Variants in ST7L observed in about 807,000 individuals in gnomAD.
ST7L encodes the protein suppressor of tumorigenicity 7 protein-like.
A neutral mutation model predicts 72.5 loss-of-function variants in ST7L; 57 were observed. That is an observed-to-expected ratio of 0.79 (90% CI 0.64 to 0.98). The LOEUF is 0.98. ST7L is among the 50% of genes least tolerant of loss of function. ST7L has a pLI of 0.00. For missense variants in ST7L, 576 were observed against 672.2 expected (o/e 0.86, Z 1.58); for synonymous variants, 221 against 240.9 (o/e 0.92, Z 0.77).
intron 11 of ST7L, among the ~76,000 whole-genome samples, chr1:112,573,983 C>T (rs1361772604): frequency 7.3e-6 from 1 of 137,852 alleles, no homozygotes; most frequent in Non-Finnish European, 1.5e-5. Context: ...GGTGCGATCT[C>T]GGCTCACTGC....
chr1:112,548,912 G>C (rs1657612142), intron 13 of ST7L, among the ~76,000 whole-genome samples: 1 of 152,000 alleles, frequency 6.6e-6, no homozygotes, highest in Non-Finnish European at 1.5e-5. Context: ...CTAGTTCTTT[G>C]ACTGCTCTTT....
At chr1:112,556,988 A>AAAAAAAAAAAAC (rs1659284000) in intron 11 of ST7L, among the ~76,000 whole-genome samples, 1 of 142,122 alleles carries the variant, frequency 7.0e-6, no homozygotes, top group Non-Finnish European at 1.5e-5. Context: ...AAAAAAACAA[A>AAAAAAAAAAAAC]AAAAAAAAAA....
At position 112,524,587 on chromosome 1, in the gene ST7L, C is replaced by T. The variant is rs1653127306; in HGVS notation, c.*1426G>A. On this transcript the variant is annotated 3_prime_UTR_variant, in exon 15 of 15. Transcript: ENST00000358039. Reference sequence around the variant, plus strand: ...ATTACACAGAGACCTGTAGCTCACACCTGGTTATTGATGGCCTTGGTGGAG... The same window carrying T: ...ATTACACAGAGACCTGTAGCTCACATCTGGTTATTGATGGCCTTGGTGGAG... The T allele has an allele frequency of 6.6e-6, 1 of 152,638 alleles. No homozygotes were observed. The highest frequency in any genetic ancestry group is 1.5e-5 in the Non-Finnish European group (1 of 68,062). The allele number at this position is 152,638 out of a possible 1,614,324, so 9.5% of individuals were successfully genotyped here.
intron 3 of ST7L, among the ~76,000 whole-genome samples, chr1:112,609,596 G>A (rs755011709): frequency 6.6e-6 from 1 of 151,750 alleles, no homozygotes; most frequent in Non-Finnish European, 1.5e-5. Context: ...GGCCAAGGTG[G>A]GCAGATCATG....
chr1:112,581,549 C>T (rs1448696346), intron 9 of ST7L, among the ~76,000 whole-genome samples: 2 of 152,012 alleles, frequency 1.3e-5, no homozygotes, highest in African/African-American at 4.8e-5. Context: ...CAGGTACACA[C>T]CACCAAACCC....
chr1:112,564,007 G>A lies in ST7L; in HGVS notation c.1246-7989C>T, dbSNP rs1477828334. On this transcript the variant is annotated intron_variant, in intron 11 of 14. Coordinates refer to ENST00000358039, the MANE Select transcript of ST7L (RefSeq NM_017744.5). ...GCTCTTGATCAGTCATGCACACAAAGAACCAACTTATCTCTGCAATTAGTT... is the reference window on the plus strand; with the variant it reads ...GCTCTTGATCAGTCATGCACACAAAAAACCAACTTATCTCTGCAATTAGTT... Among the ~76,000 whole-genome samples the A allele has an allele frequency of 3.3e-5, 5 of 152,102 alleles. No homozygotes were observed. The East Asian group carries it at 9.7e-4, about 29-fold the overall frequency.
chr1:112,613,944 G>A (rs957879804), intron 2 of ST7L, among the ~76,000 whole-genome samples: 3 of 152,070 alleles, frequency 2.0e-5, no homozygotes, highest in Non-Finnish European at 4.4e-5. Flanking sequence ...TGTCCAGGCT[G>A]CTCTTGAACT....
intron 11 of ST7L, among the ~76,000 whole-genome samples, chr1:112,561,868 T>C (rs116460893): frequency 0.061 from 8,803 of 145,090 alleles, 375 homozygotes; most frequent in Middle Eastern, 0.12. Context: ...CACACTGTCA[T>C]CTTTAAAAGG....
intron 11 of ST7L, among the ~76,000 whole-genome samples, chr1:112,565,518 A>G (rs1429985805): frequency 6.6e-6 from 1 of 152,050 alleles, no homozygotes; most frequent in Non-Finnish European, 1.5e-5. Context: ...TAAGACACAA[A>G]CTGTTTTCAG....
intron 3 of ST7L, among the ~76,000 whole-genome samples, chr1:112,604,251 G>A (rs754614101): frequency 1.3e-5 from 2 of 152,162 alleles, no homozygotes; most frequent in Non-Finnish European, 2.9e-5. Flanking sequence ...GGAGGTTGCA[G>A]TGAGCCGAAA....
intron 14 of ST7L, among the ~76,000 whole-genome samples, chr1:112,535,275 G>A (rs897583516): frequency 3.9e-5 from 6 of 152,054 alleles, no homozygotes; most frequent in African/African-American, 1.4e-4. Context: ...GGGAGGCTGA[G>A]GTGGGCATAT....
At chr1:112,572,393 A>G (rs1662296921) in intron 11 of ST7L, among the ~76,000 whole-genome samples, 1 of 152,210 alleles carries the variant, frequency 6.6e-6, no homozygotes, top group African/African-American at 2.4e-5. Context: ...TAGCTATGAA[A>G]GTCTTAGTTG....
Position 112,550,383 on chromosome 1 carries a change from T to G in ST7L, c.1489+218A>C, listed in dbSNP as rs150498851. 1.8e-3 allele frequency among the ~76,000 whole-genome samples: 275 copies of G among 152,310 alleles called. 2 individuals carry two copies. Among genetic ancestry groups the G allele is most frequent in the African/African-American group, 6.3e-3 (264 of 41,576 alleles). On this transcript the variant is annotated intron_variant, in intron 13 of 14. Coordinates refer to ENST00000358039, the MANE Select transcript of ST7L (RefSeq NM_017744.5). ...TAAGATGACAGTTCTTGTTAATATC[T>G]TTAATCTTGGTGTCCTTTGTTGCAT...
chr1:112,584,386 A>G (rs865880790), intron 6 of ST7L, among the ~76,000 whole-genome samples: 2 of 150,450 alleles, frequency 1.3e-5, no homozygotes, highest in Non-Finnish European at 3.0e-5. Flanking sequence ...TTAAACTTCT[A>G]TCTCATTCTC....
chr1:112,539,573 T>C (rs1378247604), intron 14 of ST7L: 1 of 491,922 alleles, frequency 2.0e-6, no homozygotes, highest in East Asian at 1.5e-4. Flanking sequence ...GGAAAACTGC[T>C]TGAACCTAGA....
At chr1:112,609,324 G>C (rs1343826512) in intron 3 of ST7L, among the ~76,000 whole-genome samples, 1 of 152,102 alleles carries the variant, frequency 6.6e-6, no homozygotes, top group Non-Finnish European at 1.5e-5. Flanking sequence ...CTGAGGTCGG[G>C]AGTTCAAGAC....
At chr1:112,571,733 T>C (rs114684177) in intron 11 of ST7L, among the ~76,000 whole-genome samples, 1,910 of 152,284 alleles carry the variant, frequency 0.013, 45 homozygotes, top group African/African-American at 0.043. Flanking sequence ...GCCTATATAG[T>C]TTTAATGAAG....
chr1:112,615,155 C>T (rs1224235947), intron 2 of ST7L, among the ~76,000 whole-genome samples: 4 of 152,072 alleles, frequency 2.6e-5, no homozygotes, highest in South Asian at 2.1e-4. Flanking sequence ...GCGCCACACA[C>T]GCCTAATTTT....
chr1:112,591,866 T>TTATG (rs1453312040), intron 5 of ST7L, among the ~76,000 whole-genome samples: 1 of 152,152 alleles, frequency 6.6e-6, no homozygotes, highest in African/African-American at 2.4e-5. Flanking sequence ...TATATCATTA[T>TTATG]TATGTATGAA....
Sources: gnomAD v4.1 joint callset for allele counts (sites outside exome capture counted in the v4.1 genomes callset) on GRCh38, gnomAD v4.1.1 for gene constraint, MANE v1.5 for transcripts, NCBI Gene and HGNC (gene_info 2026-07-23, HGNC 2026-07-21) for gene names.